The following UMAD1 variants were observed in gnomAD, a reference collection of about 807,000 sequenced individuals.
The protein encoded by UMAD1 is UBAP1-MVB12-associated (UMA)-domain containing protein 1.
Under a neutral mutation model 6.1 loss-of-function variants are expected in UMAD1, and 8 were observed. The observed-to-expected ratio is 1.30, with a 90% CI of 0.76 to 2.35. The LOEUF (loss-of-function observed/expected upper bound fraction) is 2.35, where lower values mean the gene tolerates loss of function less well. Among genes scored for constraint, UMAD1 ranks in the 30% most tolerant of loss-of-function variants. The pLI is 0.00. For missense variants in UMAD1, 130 were observed against 78.4 expected, an observed-to-expected ratio of 1.66 and a Z score of -2.49; for synonymous variants, 56 against 31.4, an observed-to-expected ratio of 1.78 and a Z score of -2.61.
chr7:7,809,753 T>C (rs1338857965), intron 3 of UMAD1, among the ~76,000 whole-genome samples: 1 of 152,082 alleles, frequency 6.6e-6, no homozygotes, highest in East Asian at 1.9e-4. Flanking sequence ...AAGTATGAGA[T>C]GCACATTTTA....
chr7:7,828,603 G>A (rs934254349), intron 3 of UMAD1, among the ~76,000 whole-genome samples: 1 of 152,196 alleles, frequency 6.6e-6, no homozygotes, highest in African/African-American at 2.4e-5. Flanking sequence ...AGTTTGTGCA[G>A]GGGCTAAGGG....
intron 2 of UMAD1, among the ~76,000 whole-genome samples, chr7:7,745,948 G>A (rs1358023126): frequency 6.6e-6 from 1 of 152,012 alleles, no homozygotes; most frequent in African/African-American, 2.4e-5. Context: ...ATGGCTCACT[G>A]CACCCTCAAA....
At chr7:7,653,755 C>G (rs1205260933) in intron 1 of UMAD1, among the ~76,000 whole-genome samples, 6 of 152,154 alleles carry the variant, frequency 3.9e-5, no homozygotes, top group African/African-American at 1.4e-4. Flanking sequence ...CTTGTAATGT[C>G]TTGGTTCTCC....
At chr7:7,831,448 T>G (rs1783465392) in intron 3 of UMAD1, among the ~76,000 whole-genome samples, 1 of 152,228 alleles carries the variant, frequency 6.6e-6, no homozygotes, top group Non-Finnish European at 1.5e-5. Flanking sequence ...TCTTTCTGGG[T>G]ACCTTTCAAT....
chr7:7,816,189 C>CA (rs60797257), intron 3 of UMAD1, among the ~76,000 whole-genome samples: 1 of 151,942 alleles, frequency 6.6e-6, no homozygotes, highest in Non-Finnish European at 1.5e-5. Flanking sequence ...CCCAAGGTCA[C>CA]AAAAAAAACA....
At chr7:7,776,885 C>G (rs1031802882) in intron 2 of UMAD1, among the ~76,000 whole-genome samples, 1 of 150,640 alleles carries the variant, frequency 6.6e-6, no homozygotes, top group Non-Finnish European at 1.5e-5. Flanking sequence ...CATCTGTCAT[C>G]GATCCACACA....
At chr7:7,692,848 C>T (rs186936396) in intron 2 of UMAD1, among the ~76,000 whole-genome samples, 1 of 152,282 alleles carries the variant, frequency 6.6e-6, no homozygotes, top group African/African-American at 2.4e-5. Flanking sequence ...ACCTCGTGAT[C>T]TGCCTGCCTC....
chr7:7,699,869 A>G (rs928090933), intron 2 of UMAD1, among the ~76,000 whole-genome samples: 3 of 152,222 alleles, frequency 2.0e-5, no homozygotes, highest in African/African-American at 7.2e-5. Context: ...GTTATAAGTA[A>G]TACTGTTTAT....
At chr7:7,864,205 A>G (rs1177460256) in intron 3 of UMAD1, among the ~76,000 whole-genome samples, 3 of 152,252 alleles carry the variant, frequency 2.0e-5, no homozygotes, top group Non-Finnish European at 4.4e-5. Flanking sequence ...CTGTAGGTTG[A>G]TTGATAGAAA....
At chr7:7,724,243 C>T (rs1563156562) in intron 2 of UMAD1, among the ~76,000 whole-genome samples, 1 of 152,058 alleles carries the variant, frequency 6.6e-6, no homozygotes, top group African/African-American at 2.4e-5. Flanking sequence ...GATGTTGATT[C>T]CGGGGGACCC....
rs550848076 is a variant in UMAD1 at position 7,715,675 on chromosome 7, AT to A, written c.82+42223del. Reference sequence around the variant, plus strand: ...AAGATCCACAAATTTCCAGAAAAAAATGACCTAAAAGTCATAGTTTTACCAT... The same window carrying A: ...AAGATCCACAAATTTCCAGAAAAAAAGACCTAAAAGTCATAGTTTTACCAT... On this transcript the variant is annotated intron_variant, in intron 2 of 3. Transcript: ENST00000682710. 5.9e-5 allele frequency among the ~76,000 whole-genome samples: 9 copies of A among 152,312 alleles called. No individual in the cohort carries two copies. The South Asian group carries it at 1.7e-3, about 28-fold the overall frequency.
At chr7:7,743,266 C>T (rs1156618620) in intron 2 of UMAD1, among the ~76,000 whole-genome samples, 1 of 152,088 alleles carries the variant, frequency 6.6e-6, no homozygotes, top group Non-Finnish European at 1.5e-5. Flanking sequence ...TATGCAAAAT[C>T]TAAGCACAGC....
intron 2 of UMAD1, among the ~76,000 whole-genome samples, chr7:7,730,335 A>C (rs971204595): frequency 6.6e-6 from 1 of 152,178 alleles, no homozygotes; most frequent in African/African-American, 2.4e-5. Context: ...GACGTTTTAG[A>C]CACTCCCCAG....
chr7:7,801,577 A>G (rs1399711704), intron 2 of UMAD1, 93 bp from the exon 3 acceptor site: 10 of 645,672 alleles, frequency 1.5e-5, no homozygotes, highest in African/African-American at 3.6e-5. Flanking sequence ...TGTGAAACAT[A>G]TAATAACAAA....
chr7:7,724,630 C>T (rs941193554), intron 2 of UMAD1, among the ~76,000 whole-genome samples: 1 of 152,204 alleles, frequency 6.6e-6, no homozygotes, highest in Non-Finnish European at 1.5e-5. Flanking sequence ...CCTGTTTGGC[C>T]TATGCAGAAG....
At chr7:7,700,636 C>G (rs1481699454) in intron 2 of UMAD1, among the ~76,000 whole-genome samples, 4 of 152,126 alleles carry the variant, frequency 2.6e-5, no homozygotes, top group Non-Finnish European at 4.4e-5. Context: ...GCCTGTAATC[C>G]TAGTACTTTG....
intron 3 of UMAD1, among the ~76,000 whole-genome samples, chr7:7,848,987 T>G (rs1210145363): frequency 6.6e-6 from 1 of 152,186 alleles, no homozygotes; most frequent in East Asian, 1.9e-4. Context: ...ATGGTTCGAT[T>G]TTATATTACG....
intron 2 of UMAD1, among the ~76,000 whole-genome samples, chr7:7,705,925 T>A (rs1198627119): frequency 6.6e-6 from 1 of 152,156 alleles, no homozygotes; most frequent in Non-Finnish European, 1.5e-5. Flanking sequence ...GTACCTTCTG[T>A]TCAATTTTGC....
chr7:7,649,520 C>A (rs9791506), intron 1 of UMAD1, among the ~76,000 whole-genome samples: 1 of 151,764 alleles, frequency 6.6e-6, no homozygotes, highest in African/African-American at 2.4e-5. Flanking sequence ...ATTCAAACCA[C>A]AGCAGGATTA....
Sources: gnomAD v4.1 joint callset for allele counts (sites outside exome capture counted in the v4.1 genomes callset) on GRCh38, gnomAD v4.1.1 for gene constraint, MANE v1.5 for transcripts, NCBI Gene and HGNC (gene_info 2026-07-23, HGNC 2026-07-21) for gene names.